Variants in PLCXD3 observed in about 807,000 individuals in gnomAD.
PLCXD3 encodes the protein phosphatidylinositol specific phospholipase C X domain containing 3.
PLCXD3 carries 19 observed loss-of-function variants against 25.5 expected under a neutral mutation model. The ratio of observed to expected loss-of-function variants is 0.75; its 90% confidence interval spans 0.52 to 1.09. The LOEUF is 1.09. Ranked by LOEUF, PLCXD3 falls within the 50% of genes least tolerant of loss-of-function variation. The pLI is 0.00. For missense variants in PLCXD3, 411 were observed against 388.1 expected, an observed-to-expected ratio of 1.06 and a Z score of -0.50; for synonymous variants, 174 against 137.6, an observed-to-expected ratio of 1.26 and a Z score of -1.85.
chr5:41,323,239 T>C (rs956514097), intron 2 of PLCXD3, among the ~76,000 whole-genome samples: 17 of 152,022 alleles, frequency 1.1e-4, no homozygotes, highest in South Asian at 6.2e-4. Context: ...GGGAGAGCTA[T>C]GGATGAGGTG....
chr5:41,309,801 C>T lies in PLCXD3; in HGVS notation c.*3816G>A, dbSNP rs1297442119. 1 of 152,108 alleles carries T rather than the reference C, an allele frequency of 6.6e-6. No homozygotes were observed. Among genetic ancestry groups the T allele is most frequent in the Non-Finnish European group, 1.5e-5 (1 of 68,000 alleles). 9.4% of individuals were successfully genotyped at this position (152,108 alleles called of 1,614,324 possible). On this transcript the variant is annotated 3_prime_UTR_variant, in exon 3 of 3. Coordinates refer to ENST00000377801, the MANE Select transcript of PLCXD3 (RefSeq NM_001005473.3). Reference sequence around the variant, plus strand: ...TGAGAATTTAGATAGACTGTTCGTGCCAGGCATTTTCTATTTCTGATGGCC... The same window carrying T: ...TGAGAATTTAGATAGACTGTTCGTGTCAGGCATTTTCTATTTCTGATGGCC...
intron 1 of PLCXD3, among the ~76,000 whole-genome samples, chr5:41,401,088 C>G (rs1318330828): frequency 6.6e-6 from 1 of 151,854 alleles, no homozygotes; most frequent in East Asian, 1.9e-4. Context: ...CATTTTAAAA[C>G]TTGGTTAGCT....
intron 1 of PLCXD3, among the ~76,000 whole-genome samples, chr5:41,488,963 G>T (rs1453958748): frequency 0.016 from 2,370 of 152,020 alleles, 59 homozygotes; most frequent in African/African-American, 0.055. Flanking sequence ...TTTGTCTTTT[G>T]TTGCCATTGC....
chr5:41,470,661 T>C (rs1046499503), intron 1 of PLCXD3, among the ~76,000 whole-genome samples: 1 of 152,080 alleles, frequency 6.6e-6, no homozygotes, highest in African/African-American at 2.4e-5. Flanking sequence ...ATTGGCTGAG[T>C]TCCTAGTAAA....
rs189247393 is a variant in PLCXD3, at chr5:41,425,009, T to A, written c.104-42475A>T. On this transcript the variant is annotated intron_variant, in intron 1 of 2. Coordinates refer to ENST00000377801, the MANE Select transcript of PLCXD3 (RefSeq NM_001005473.3). ...TGTGGATTTAGTTATTAAAATGCAA[T>A]AAGCTTTTACTTTATATATTTTGGG... Among the ~76,000 whole-genome samples, 7 of 152,324 alleles carry A rather than the reference T, an allele frequency of 4.6e-5. No individual in the cohort carries two copies. In the East Asian group the frequency reaches 1.3e-3, roughly 29 times the overall value.
At chr5:41,452,537 A>G (rs1457572814) in intron 1 of PLCXD3, among the ~76,000 whole-genome samples, 1 of 152,024 alleles carries the variant, frequency 6.6e-6, no homozygotes, top group African/African-American at 2.4e-5. Context: ...TCCAAACAAA[A>G]CAAAACAAAC....
At chr5:41,441,071 A>C (rs1430264408) in intron 1 of PLCXD3, among the ~76,000 whole-genome samples, 1 of 152,158 alleles carries the variant, frequency 6.6e-6, no homozygotes, top group East Asian at 1.9e-4. Flanking sequence ...ACTCTCCAAC[A>C]TCTTGCCACC....
chr5:41,396,014 C>A (rs369667608), intron 1 of PLCXD3, among the ~76,000 whole-genome samples: 55 of 140,480 alleles, frequency 3.9e-4, no homozygotes, highest in African/African-American at 8.0e-4. Flanking sequence ...AAAAAAAAAA[C>A]CACAAAACAA....
intron 1 of PLCXD3, among the ~76,000 whole-genome samples, chr5:41,403,401 G>GTTTGTTTTGTTTGTTTTTGTTT (rs1554047951): frequency 5.4e-5 from 1 of 18,412 alleles, no homozygotes; most frequent in Non-Finnish European, 1.4e-4. Context: ...CTTATTTGTT[G>GTTTGTTTTGTTTGTTTTTGTTT]TTTTTTTTTT....
intron 2 of PLCXD3, among the ~76,000 whole-genome samples, chr5:41,348,293 G>A (rs969247823): frequency 1.7e-4 from 26 of 152,148 alleles, no homozygotes; most frequent in African/African-American, 5.8e-4. Context: ...AGATGAGTTA[G>A]TAATTGCGCA....
intron 2 of PLCXD3, among the ~76,000 whole-genome samples, chr5:41,321,749 T>C (rs968919301): frequency 2.6e-4 from 40 of 152,070 alleles, no homozygotes; most frequent in African/African-American, 8.7e-4. Flanking sequence ...GAGAAAATAA[T>C]AAATACAGAA....
intron 2 of PLCXD3, among the ~76,000 whole-genome samples, chr5:41,341,236 C>A (rs1443509270): frequency 6.6e-6 from 1 of 152,122 alleles, no homozygotes; most frequent in African/African-American, 2.4e-5. Context: ...TGGAAGAGAG[C>A]ACCATCAATA....
chr5:41,372,318 A>ACG, intron 2 of PLCXD3, among the ~76,000 whole-genome samples: 1 of 145,860 alleles, frequency 6.9e-6, no homozygotes. Flanking sequence ...ACACACACAC[A>ACG]CACACACACA....
chr5:41,430,519 G>A (rs2150508503), intron 1 of PLCXD3, among the ~76,000 whole-genome samples: 1 of 152,260 alleles, frequency 6.6e-6, no homozygotes, highest in Middle Eastern at 3.4e-3. Context: ...ATGAGGCCGA[G>A]AATATTTAGG....
intron 1 of PLCXD3, among the ~76,000 whole-genome samples, chr5:41,500,679 A>G (rs1748933054): frequency 6.6e-6 from 1 of 151,854 alleles, no homozygotes; most frequent in African/African-American, 2.4e-5. Flanking sequence ...GAGTTTTTGG[A>G]TATGAAATCA....
chr5:41,451,935 C>T (rs1747643174), intron 1 of PLCXD3, among the ~76,000 whole-genome samples: 1 of 152,124 alleles, frequency 6.6e-6, no homozygotes, highest in Non-Finnish European at 1.5e-5. Flanking sequence ...ACCCAATTCT[C>T]AAATGAGGGG....
chr5:41,307,094 A>G lies in PLCXD3; in HGVS notation c.*6523T>C, dbSNP rs911115798. ...GGATTTTCTTTACACCACATTTATT[A>G]AAGTATCAATAACCAGATCCTAAAA... On this transcript the variant is annotated 3_prime_UTR_variant, in exon 3 of 3. Coordinates refer to ENST00000377801, the MANE Select transcript of PLCXD3 (RefSeq NM_001005473.3). 5 of 152,648 alleles carry G rather than the reference A, an allele frequency of 3.3e-5. No homozygotes were observed. The highest frequency in any genetic ancestry group is 9.6e-5 in the African/African-American group (4 of 41,462). The allele number at this position is 152,648 out of a possible 1,614,324, so 9.5% of individuals were successfully genotyped here.
chr5:41,479,825 A>G (rs1268442133), intron 1 of PLCXD3, among the ~76,000 whole-genome samples: 2 of 152,194 alleles, frequency 1.3e-5, no homozygotes, highest in Admixed American at 6.5e-5. Context: ...GGCAAATTCT[A>G]TATTTTAGAA....
chr5:41,486,328 G>A (rs1748517147), intron 1 of PLCXD3, among the ~76,000 whole-genome samples: 1 of 151,862 alleles, frequency 6.6e-6, no homozygotes, highest in Non-Finnish European at 1.5e-5. Flanking sequence ...CCCTGGATAA[G>A]GATATTCTCC....
Sources: gnomAD v4.1 joint callset for allele counts (sites outside exome capture counted in the v4.1 genomes callset) on GRCh38, gnomAD v4.1.1 for gene constraint, MANE v1.5 for transcripts, NCBI Gene and HGNC (gene_info 2026-07-23, HGNC 2026-07-21) for gene names.